ELN: variants seen among roughly 807,000 people sequenced by gnomAD.
ELN encodes the protein elastin, also known as tropoelastin.
A neutral mutation model predicts 105.8 loss-of-function variants in ELN; 65 were observed. The ratio of observed to expected loss-of-function variants is 0.61; its 90% CI spans 0.50 to 0.75. The LOEUF (loss-of-function observed/expected upper bound fraction) is 0.75. Among genes scored for constraint, ELN ranks in the 30% least tolerant of loss-of-function variants. The pLI, the probability that ELN is intolerant of heterozygous loss-of-function variation, is 0.00. For synonymous variants in ELN, 368 were observed against 389.2 expected (o/e 0.95, Z 0.64); for missense variants, 882 against 969.4 (o/e 0.91, Z 1.20).
intron 9 of ELN, among the ~76,000 whole-genome samples, chr7:74,044,853 CAG>C (rs1210547653): frequency 3.3e-5 from 5 of 152,216 alleles, no homozygotes; most frequent in Non-Finnish European, 7.3e-5. Context: ...GCGAGAGCCC[CAG>C]AGAGCATGGG....
In ELN at chr7:74,051,773, C is replaced by T; in HGVS notation, c.823C>T (p.Pro275Ser). 1.2e-6 allele frequency: 2 copies of T among 1,614,204 alleles called. No individual in the cohort carries two copies. Among genetic ancestry groups the T allele is most frequent in the Non-Finnish European group, 8.5e-7 (1 of 1,180,030 alleles). Residue 275 changes from proline to serine, a missense_variant, in exon 16 of 33, where the codon CCT becomes TCT. By Grantham distance (74) the Pro-to-Ser change is moderately conservative. Transcript: ENST00000252034. ...KFGAGAAGVL[P>S]GVGGAGVPGV... ...AGGTGCTGGAGCAGCCGGAGTCCTCCCTGGTGTTGGAGGGGCTGGTGTTCC... is the reference window on the plus strand; with the variant it reads ...AGGTGCTGGAGCAGCCGGAGTCCTCTCTGGTGTTGGAGGGGCTGGTGTTCC...
chr7:74,034,313 G>T (rs912440500), intron 1 of ELN, among the ~76,000 whole-genome samples: 1 of 152,118 alleles, frequency 6.6e-6, no homozygotes. Context: ...AGCTCAGCTC[G>T]GGAAGGGAGT....
intron 3 of ELN, among the ~76,000 whole-genome samples, chr7:74,036,874 G>A (rs1790078077): frequency 6.6e-6 from 1 of 152,284 alleles, no homozygotes; most frequent in African/African-American, 2.4e-5. Context: ...AGGCTGGAGT[G>A]CAGTGGCGTG....
At chr7:74,048,334 C>A in intron 14 of ELN, 133 bp downstream of exon 14, 3 of 1,516,922 alleles carry the variant, frequency 2.0e-6, no homozygotes, top group Non-Finnish European at 2.7e-6. Flanking sequence ...AAACCTGGAG[C>A]AGGATCCTGG....
intron 1 of ELN, among the ~76,000 whole-genome samples, chr7:74,032,154 T>C (rs1328926329): frequency 1.3e-5 from 2 of 151,796 alleles, no homozygotes; most frequent in African/African-American, 4.8e-5. Flanking sequence ...TCCCTGAGAG[T>C]CTAGGATCGT....
intron 19 of ELN, 139 bp from the exon 20 acceptor site, chr7:74,056,130 CAG>C: frequency 9.0e-7 from 1 of 1,111,124 alleles, no homozygotes. Flanking sequence ...GCTGGGGACC[CAG>C]GCATCCCAGT....
At chr7:74,050,385 C>A (rs1793757710) in intron 15 of ELN, among the ~76,000 whole-genome samples, 1 of 151,074 alleles carries the variant, frequency 6.6e-6, no homozygotes, top group African/African-American at 2.4e-5. Context: ...ACCCATCCAT[C>A]CACTCGTCCA....
At position 74,048,124 on chromosome 7, in the gene ELN, A is replaced by G. The variant is rs782329580; in HGVS notation, c.686-18A>G. 9.3e-6 allele frequency: 15 copies of G among 1,613,912 alleles called. No individual in the cohort carries two copies. The highest frequency in any genetic ancestry group is 1.6e-4 in the Middle Eastern group (1 of 6,070). On this transcript the variant is annotated intron_variant, in intron 13 of 32. Transcript: ENST00000252034. ...GTGATGTCTGCACAGATGACCATCA[A>G]GCCTCTCTGTTTTGCAGGCTATGGG...
intron 22 of ELN, 119 bp downstream of exon 22, chr7:74,057,815 T>G: frequency 8.4e-7 from 1 of 1,187,662 alleles, no homozygotes; most frequent in Non-Finnish European, 1.2e-6. Flanking sequence ...TGTCACATTC[T>G]GGGGTGGGCC....
At chr7:74,053,741 T>C (rs1216772952) in intron 18 of ELN, among the ~76,000 whole-genome samples, 7 of 147,126 alleles carry the variant, frequency 4.8e-5, no homozygotes, top group Admixed American at 4.0e-4. Flanking sequence ...GATGGATGGA[T>C]GGGTGGATGG....
At chr7:74,054,096 G>A (rs1296925410) in intron 18 of ELN, among the ~76,000 whole-genome samples, 1 of 152,048 alleles carries the variant, frequency 6.6e-6, no homozygotes, top group African/African-American at 2.4e-5. Context: ...TGGATAGATA[G>A]GCAGATGGGA....
At chr7:74,067,606 C>T (rs986397323) in intron 32 of ELN, among the ~76,000 whole-genome samples, 55 of 151,870 alleles carry the variant, frequency 3.6e-4, no homozygotes, top group African/African-American at 1.1e-3. Flanking sequence ...GGCATGGTGG[C>T]GGGCACCTGT....
intron 22 of ELN, among the ~76,000 whole-genome samples, chr7:74,058,744 C>T (rs1250345157): frequency 6.6e-6 from 1 of 152,186 alleles, no homozygotes; most frequent in Non-Finnish European, 1.5e-5. Context: ...CATGGCAAAT[C>T]GTGGCAGCAC....
At chr7:74,053,066 A>G in intron 17 of ELN, 97 bp from the exon 18 acceptor site, 6 of 1,581,714 alleles carry the variant, frequency 3.8e-6, no homozygotes, top group Non-Finnish European at 5.2e-6. Flanking sequence ...GCAATCCTGC[A>G]TTCAGGACCA....
chr7:74,043,974 A>T (rs1791867367), intron 9 of ELN, 54 bp downstream of exon 9: 1 of 1,604,568 alleles, frequency 6.2e-7, no homozygotes, highest in East Asian at 2.2e-5. Context: ...GCCAGGACGC[A>T]GTGGCTCATG....
intron 1 of ELN, among the ~76,000 whole-genome samples, chr7:74,032,499 C>T (rs1554662999): frequency 6.6e-6 from 1 of 152,210 alleles, no homozygotes. Flanking sequence ...TCATTTTATT[C>T]TCACCTCTCT....
In ELN at chr7:74,048,517, G is replaced by A. The variant is rs140742644; in HGVS notation, c.760G>A (p.Ala254Thr). The A allele has an allele frequency of 1.9e-6, 3 of 1,613,726 alleles. No homozygotes were observed. The highest frequency in any genetic ancestry group is 1.3e-5 in the African/African-American group (1 of 74,844). The change falls in exon 15 of 33, where the codon GCA becomes ACA. Residue 254 changes from alanine (A) to threonine (T), a missense_variant. Coordinates refer to ENST00000252034, the MANE Select transcript of ELN (RefSeq NM_000501.4). The stretch of plus-strand genomic sequence containing the variant: ...CCTTCCCCCAGGGGTTGGCCCCCAG[G>A]CAGCAGCAGCAGCGGCAGCTAAAGC... ...YPTGTGVGPQ[A>T]AAAAAAKAAA... is the part of the protein sequence containing the mutation.
intron 2 of ELN, 125 bp downstream of exon 2, chr7:74,035,539 T>A: frequency 8.7e-7 from 1 of 1,155,842 alleles, no homozygotes; most frequent in Non-Finnish European, 1.3e-6. Context: ...CACACCCACT[T>A]AAAAATGCAA....
At chr7:74,062,101 T>G (rs1583989519) in intron 26 of ELN, 1 of 152,478 alleles carries the variant, frequency 6.6e-6, no homozygotes, top group South Asian at 2.1e-4. Context: ...CCACGCTGTC[T>G]GTAGCCCCTG....
Sources: allele counts gnomAD v4.1 joint callset (sites outside exome capture counted in the v4.1 genomes callset), GRCh38; gene constraint gnomAD v4.1.1; transcripts MANE v1.5; gene names NCBI Gene and HGNC (gene_info 2026-07-23, HGNC 2026-07-21).